Variants in SLC4A10 observed in about 807,000 individuals in gnomAD.
SLC4A10 encodes the protein solute carrier family 4 member 10, also known as sodium-driven chloride bicarbonate exchanger.
In SLC4A10, 42 loss-of-function variants were observed where a neutral mutation model predicts 137.7. That is an observed-to-expected ratio of 0.30 (90% CI 0.24 to 0.39). The LOEUF (loss-of-function observed/expected upper bound fraction) is 0.39. Ranked by LOEUF, SLC4A10 falls within the 10% of genes least tolerant of loss-of-function variation. SLC4A10 has a pLI of 1.00. For missense variants in SLC4A10, 925 were observed against 1,355.0 expected (o/e 0.68, Z 4.98); for synonymous variants, 474 against 464.1 (o/e 1.02, Z -0.27).
At chr2:161,825,812 G>A (rs961389519) in intron 3 of SLC4A10, among the ~76,000 whole-genome samples, 1 of 152,146 alleles carries the variant, frequency 6.6e-6, no homozygotes, top group Non-Finnish European at 1.5e-5. Flanking sequence ...TCATGTTACA[G>A]CTCTTTCCGA....
chr2:161,791,204 A>T (rs1574983718), intron 2 of SLC4A10, among the ~76,000 whole-genome samples: 1 of 152,192 alleles, frequency 6.6e-6, no homozygotes, highest in East Asian at 1.9e-4. Context: ...TAGCAAAGAC[A>T]TGGAACCAAC....
intron 1 of SLC4A10, among the ~76,000 whole-genome samples, chr2:161,635,511 A>G (rs1237566706): frequency 1.3e-5 from 2 of 152,146 alleles, no homozygotes; most frequent in East Asian, 1.9e-4. Flanking sequence ...TGACTAGACC[A>G]TATCCTCCTC....
chr2:161,729,013 A>C (rs2046538354), intron 1 of SLC4A10, among the ~76,000 whole-genome samples: 1 of 152,142 alleles, frequency 6.6e-6, no homozygotes, highest in Admixed American at 6.6e-5. Context: ...TCTAGAAAAA[A>C]AAAATCAGGA....
chr2:161,953,849 T>A (rs1695217586), intron 19 of SLC4A10, among the ~76,000 whole-genome samples: 1 of 152,240 alleles, frequency 6.6e-6, no homozygotes, highest in South Asian at 2.1e-4. Context: ...AAATCCATAC[T>A]CTCTCTAGCA....
rs369980352 is a variant in SLC4A10, at chr2:161,854,946, T to C, written c.417-24T>C. ...TTAACCTACAATATAATATAAACTG[T>C]GCTGATAATATTTGTTTGTATAGGT... On this transcript the variant is annotated intron_variant, in intron 4 of 26. Transcript: ENST00000446997. 1.2e-4 allele frequency: 190 copies of C among 1,601,662 alleles called. 1 individual carries two copies. In the South Asian group the frequency reaches 1.4e-3, roughly 12 times the overall value.
intron 2 of SLC4A10, among the ~76,000 whole-genome samples, chr2:161,778,929 T>C (rs1449636): frequency 0.068 from 10,318 of 152,010 alleles, 407 homozygotes; most frequent in African/African-American, 0.11. Context: ...CATAGTACAC[T>C]ATAGACCTGT....
intron 3 of SLC4A10, among the ~76,000 whole-genome samples, chr2:161,829,079 G>GAAT (rs2058247501): frequency 4.0e-5 from 6 of 151,386 alleles, no homozygotes; most frequent in African/African-American, 1.5e-4. Context: ...CTTAATGCTG[G>GAAT]TGTGGCCTGA....
At chr2:161,669,577 G>A (rs1450259935) in intron 1 of SLC4A10, among the ~76,000 whole-genome samples, 1 of 151,956 alleles carries the variant, frequency 6.6e-6, no homozygotes, top group Non-Finnish European at 1.5e-5. Flanking sequence ...ATACTTTGAT[G>A]TAGAGATCAT....
chr2:161,665,944 A>G (rs964707941), intron 1 of SLC4A10, among the ~76,000 whole-genome samples: 1 of 148,036 alleles, frequency 6.8e-6, no homozygotes, highest in Non-Finnish European at 1.5e-5. Flanking sequence ...CATTATATAT[A>G]TATATAATAT....
chr2:161,726,459 G>GA (rs1191677655), intron 1 of SLC4A10, among the ~76,000 whole-genome samples: 4 of 152,156 alleles, frequency 2.6e-5, no homozygotes, highest in Non-Finnish European at 2.9e-5. Context: ...ATGTTAGAGG[G>GA]AAAAAATTGA....
intron 3 of SLC4A10, among the ~76,000 whole-genome samples, chr2:161,819,804 A>G (rs2057462774): frequency 6.6e-6 from 1 of 152,082 alleles, no homozygotes; most frequent in Admixed American, 6.6e-5. Context: ...CACATTTGTT[A>G]TTTTTAATGT....
At chr2:161,653,333 A>G (rs540055980) in intron 1 of SLC4A10, among the ~76,000 whole-genome samples, 13 of 152,214 alleles carry the variant, frequency 8.5e-5, no homozygotes, top group Non-Finnish European at 1.9e-4. Flanking sequence ...TCTTTATAGT[A>G]GAATGATTTA....
intron 3 of SLC4A10, among the ~76,000 whole-genome samples, chr2:161,838,460 C>T (rs1261216900): frequency 1.3e-5 from 2 of 152,198 alleles, no homozygotes; most frequent in African/African-American, 4.8e-5. Flanking sequence ...ATTTATAACA[C>T]ACACACACAA....
chr2:161,657,956 TC>T lies in SLC4A10; in HGVS notation c.48+33391del, dbSNP rs531226576. 1.9e-3 allele frequency among the ~76,000 whole-genome samples: 293 copies of T among 152,248 alleles called. 5 individuals are homozygous for T. Among genetic ancestry groups the T allele is most frequent in the Middle Eastern group, 0.01 (3 of 292 alleles). On this transcript the variant is annotated intron_variant, in intron 1 of 26. Coordinates refer to ENST00000446997, the MANE Select transcript of SLC4A10 (RefSeq NM_001178015.2). ...TAAATTATAATAGGCCAATACACAA[TC>T]TTCAGGGCAATGACAGTAAATGACA... is the stretch of plus-strand genomic sequence containing the variant.
chr2:161,806,911 G>A (rs939879619), intron 3 of SLC4A10, among the ~76,000 whole-genome samples: 1 of 152,082 alleles, frequency 6.6e-6, no homozygotes. Context: ...ATATTAATAT[G>A]TTTTCACACT....
chr2:161,714,814 T>C (rs2044668693), intron 1 of SLC4A10, among the ~76,000 whole-genome samples: 1 of 151,956 alleles, frequency 6.6e-6, no homozygotes, highest in Non-Finnish European at 1.5e-5. Flanking sequence ...AGGACACTAA[T>C]ACGTTAATCT....
intron 2 of SLC4A10, among the ~76,000 whole-genome samples, chr2:161,784,715 A>C (rs1000672170): frequency 6.6e-6 from 1 of 151,786 alleles, no homozygotes; most frequent in Non-Finnish European, 1.5e-5. Context: ...AGATGAAAAC[A>C]TAATATACCA....
At chr2:161,868,090 A>G (rs963320535) in intron 6 of SLC4A10, among the ~76,000 whole-genome samples, 21 of 152,054 alleles carry the variant, frequency 1.4e-4, no homozygotes, top group African/African-American at 5.1e-4. Context: ...ATTGATACGA[A>G]TTTGGCCAAC....
intron 1 of SLC4A10, among the ~76,000 whole-genome samples, chr2:161,635,718 C>T (rs1414895595): frequency 6.6e-6 from 1 of 152,056 alleles, no homozygotes; most frequent in Non-Finnish European, 1.5e-5. Flanking sequence ...TGAAAGTTTG[C>T]TAAACTTTAA....
Sources: allele counts gnomAD v4.1 joint callset (sites outside exome capture counted in the v4.1 genomes callset), GRCh38; gene constraint gnomAD v4.1.1; transcripts MANE v1.5; gene names NCBI Gene and HGNC (gene_info 2026-07-23, HGNC 2026-07-21).